Variants in AGBL4 observed in about 807,000 individuals in gnomAD.
AGBL4 encodes the protein AGBL carboxypeptidase 4.
AGBL4 carries 58 observed loss-of-function variants against 66.4 expected under a neutral mutation model. The ratio of observed to expected loss-of-function variants is 0.87; its 90% CI spans 0.71 to 1.09. AGBL4 has a LOEUF of 1.09. Among genes scored for constraint, AGBL4 ranks in the 50% least tolerant of loss-of-function variants. The pLI is 0.00. For missense variants in AGBL4, 579 were observed against 631.0 expected (o/e 0.92, Z 0.88); for synonymous variants, 234 against 222.9 (o/e 1.05, Z -0.44).
At chr1:49,843,081 C>G (rs1162927147) in intron 2 of AGBL4, among the ~76,000 whole-genome samples, 1 of 152,100 alleles carries the variant, frequency 6.6e-6, no homozygotes, top group East Asian at 1.9e-4. Flanking sequence ...TGGCCTGTCA[C>G]CAGAGTCCAG....
At chr1:49,054,912 A>T (rs1410320903) in intron 4 of AGBL4, among the ~76,000 whole-genome samples, 1 of 151,994 alleles carries the variant, frequency 6.6e-6, no homozygotes, top group East Asian at 1.9e-4. Context: ...ATCTTTAATC[A>T]AATATTCAAT....
chr1:49,301,555 A>C (rs190522497), intron 3 of AGBL4, among the ~76,000 whole-genome samples: 2 of 152,334 alleles, frequency 1.3e-5, no homozygotes, highest in East Asian at 3.9e-4. Flanking sequence ...CACAAGGTTA[A>C]AATTATGGTA....
In AGBL4 at chr1:50,012,725, C is replaced by A. The variant is rs1478668537; in HGVS notation, c.34+11038G>T. Among the ~76,000 whole-genome samples, 15 of 152,192 alleles carry A rather than the reference C, an allele frequency of 9.9e-5. No individual in the cohort carries two copies. In the South Asian group the frequency reaches 2.7e-3, roughly 27 times the overall value. ...AAAAGCAAGAAGCTCATTCCCAGAG[C>A]TTTTTAAGTGTATAGTGTGTTTTCA... On this transcript the variant is annotated intron_variant, in intron 1 of 13. Transcript: ENST00000371839.
At chr1:49,564,518 G>T (rs559832193) in intron 3 of AGBL4, among the ~76,000 whole-genome samples, 1 of 151,784 alleles carries the variant, frequency 6.6e-6, no homozygotes, top group Non-Finnish European at 1.5e-5. Flanking sequence ...CTTTCTTCTC[G>T]TTGGTTTCAA....
At chr1:49,634,861 G>C (rs144687573) in intron 3 of AGBL4, among the ~76,000 whole-genome samples, 19 of 152,244 alleles carry the variant, frequency 1.2e-4, no homozygotes, top group South Asian at 4.1e-4. Flanking sequence ...TGTTCCTACT[G>C]CGAAAAAATG....
chr1:49,945,469 C>A (rs1655125036), intron 1 of AGBL4, among the ~76,000 whole-genome samples: 1 of 151,944 alleles, frequency 6.6e-6, no homozygotes, highest in Non-Finnish European at 1.5e-5. Context: ...AAAAACTAAG[C>A]TTCATAAATG....
At chr1:48,647,493 C>G in intron 8 of AGBL4, 1 of 323,498 alleles carries the variant, frequency 3.1e-6, no homozygotes, top group Non-Finnish European at 6.3e-6. Flanking sequence ...GAGGCTGTAC[C>G]TGGTAATTAT....
chr1:49,255,075 G>A (rs1203610695), intron 3 of AGBL4, among the ~76,000 whole-genome samples: 2 of 152,016 alleles, frequency 1.3e-5, no homozygotes, highest in African/African-American at 4.8e-5. Context: ...AGACAACCTA[G>A]GTAATACCAT....
chr1:49,331,321 C>T (rs1209413516), intron 3 of AGBL4, among the ~76,000 whole-genome samples: 1 of 152,096 alleles, frequency 6.6e-6, no homozygotes, highest in Non-Finnish European at 1.5e-5. Context: ...CGGCACCTCA[C>T]AAGATAAGAC....
At chr1:48,867,777 C>T (rs1008335420) in intron 5 of AGBL4, among the ~76,000 whole-genome samples, 43 of 152,178 alleles carry the variant, frequency 2.8e-4, no homozygotes, top group African/African-American at 1.0e-3. Context: ...TGATGACCAA[C>T]CATTCCTTTT....
At chr1:49,521,482 C>G (rs1401940049) in intron 3 of AGBL4, among the ~76,000 whole-genome samples, 1 of 151,796 alleles carries the variant, frequency 6.6e-6, no homozygotes, top group Non-Finnish European at 1.5e-5. Flanking sequence ...AATAGAGAAC[C>G]TAGAATAAAT....
chr1:49,240,097 C>T (rs1160890086), intron 4 of AGBL4, among the ~76,000 whole-genome samples: 4 of 151,500 alleles, frequency 2.6e-5, no homozygotes, highest in Non-Finnish European at 5.9e-5. Flanking sequence ...GAAAAGACAC[C>T]ACTAATTTCA....
At chr1:49,393,399 T>C (rs1484527006) in intron 3 of AGBL4, among the ~76,000 whole-genome samples, 1 of 152,198 alleles carries the variant, frequency 6.6e-6, no homozygotes, top group Non-Finnish European at 1.5e-5. Flanking sequence ...ATTCACTTCT[T>C]ATTCCCAATA....
intron 3 of AGBL4, among the ~76,000 whole-genome samples, chr1:49,671,143 T>C (rs1646466997): frequency 1.3e-5 from 2 of 152,106 alleles, no homozygotes; most frequent in South Asian, 2.1e-4. Context: ...CACAGACACA[T>C]AGGCCTATGG....
intron 2 of AGBL4, among the ~76,000 whole-genome samples, chr1:49,799,721 A>AT (rs1178053413): frequency 1.3e-5 from 2 of 152,318 alleles, no homozygotes. Flanking sequence ...CACATACCAT[A>AT]TGACATTATA....
intron 1 of AGBL4, among the ~76,000 whole-genome samples, chr1:49,882,385 C>G (rs1026401104): frequency 2.0e-5 from 3 of 150,988 alleles, no homozygotes. Flanking sequence ...TTTTTTGGTG[C>G]CATATGAACT....
At chr1:48,763,078 A>C (rs911877472) in intron 6 of AGBL4, among the ~76,000 whole-genome samples, 5 of 146,894 alleles carry the variant, frequency 3.4e-5, no homozygotes, top group African/African-American at 1.3e-4. Context: ...TCTTAAGCAT[A>C]AAGTGAATAG....
chr1:49,683,026 A>C (rs902097589), intron 3 of AGBL4, among the ~76,000 whole-genome samples: 3 of 152,164 alleles, frequency 2.0e-5, no homozygotes, highest in Non-Finnish European at 2.9e-5. Context: ...CAGGTCTTAG[A>C]CTGATGTTTG....
intron 1 of AGBL4, among the ~76,000 whole-genome samples, chr1:49,870,596 T>C: frequency 6.6e-6 from 1 of 151,244 alleles, no homozygotes; most frequent in East Asian, 1.9e-4. Context: ...AATTAAAAAT[T>C]AAAAATTTTT....
Sources: gnomAD v4.1 joint callset for allele counts (sites outside exome capture counted in the v4.1 genomes callset) on GRCh38, gnomAD v4.1.1 for gene constraint, MANE v1.5 for transcripts, NCBI Gene and HGNC (gene_info 2026-07-23, HGNC 2026-07-21) for gene names.